Variants in ZNF726 observed in about 807,000 individuals in gnomAD.
ZNF726 encodes the protein zinc finger protein 92 pseudogene 3.
Under a neutral mutation model 11.6 loss-of-function variants are expected in ZNF726, and 15 were observed. The ratio of observed to expected loss-of-function variants is 1.29; its 90% CI spans 0.86 to 1.99. The LOEUF (loss-of-function observed/expected upper bound fraction) is 1.99, where lower values mean the gene tolerates loss of function less well. ZNF726 is among the 30% of genes most tolerant of loss of function. The pLI is 0.00. For synonymous variants in ZNF726, 295 were observed against 243.6 expected, an observed-to-expected ratio of 1.21 and a Z score of -1.96; for missense variants, 890 against 725.6, an observed-to-expected ratio of 1.23 and a Z score of -2.60.
chr19:23,937,426 G>A (rs866584136), downstream of ZNF726, among the ~76,000 whole-genome samples: 4 of 151,844 alleles, frequency 2.6e-5, no homozygotes, highest in Non-Finnish European at 5.9e-5. Context: ...TCACTTCTCA[G>A]ACGGGGCGGT....
intron 3 of ZNF726, 69 bp from the exon 4 acceptor site, chr19:23,932,274 A>G (rs1338013731): frequency 8.8e-7 from 1 of 1,134,356 alleles, no homozygotes; most frequent in Non-Finnish European, 1.1e-6. Flanking sequence ...ATAATTTTAT[A>G]GGTAAGATTT....
At chr19:23,919,951 G>T in intron 2 of ZNF726, 36 bp from the exon 3 acceptor site, 1 of 1,450,996 alleles carries the variant, frequency 6.9e-7, no homozygotes, top group South Asian at 1.2e-5. Flanking sequence ...TGGAGAATAT[G>T]AGCAAGATTC....
At chr19:23,942,208 G>C (rs868034241) in intron 3 of ZNF726, among the ~76,000 whole-genome samples, 3 of 152,084 alleles carry the variant, frequency 2.0e-5, no homozygotes, top group Non-Finnish European at 4.4e-5. Flanking sequence ...TATTGGTTTT[G>C]TTTTTGACCC....
At chr19:23,927,911 A>G (rs1401122576) in intron 3 of ZNF726, 2 of 152,230 alleles carry the variant, frequency 1.3e-5, no homozygotes, top group Non-Finnish European at 2.9e-5. Context: ...TAGTTGGTCT[A>G]TAATATGGTT....
chr19:23,926,535 A>G (rs1361033530), intron 3 of ZNF726, among the ~76,000 whole-genome samples: 3 of 144,060 alleles, frequency 2.1e-5, no homozygotes, highest in Non-Finnish European at 4.5e-5. Flanking sequence ...CCTGGGCTGC[A>G]CTCCAGCCTG....
intron 3 of ZNF726, 61 bp from the exon 4 acceptor site, chr19:23,932,281 AT>A: frequency 8.4e-7 from 1 of 1,189,124 alleles, no homozygotes; most frequent in Non-Finnish European, 1.1e-6. Flanking sequence ...TATAGGTAAG[AT>A]TTTTAAACTA....
chr19:23,942,594 C>T lies in ZNF726; in HGVS notation c.227-900C>T, dbSNP rs117295087. On this transcript the variant is annotated intron_variant, in intron 3 of 4. Coordinates refer to the ZNF726 transcript ENST00000334589. The stretch of plus-strand genomic sequence containing the variant: ...TCCCTCTTATGGTATTGATGTCTAT[C>T]TCATTTCTTAGGTCTATTAATAATT... 4.8e-3 allele frequency among the ~76,000 whole-genome samples: 725 copies of T among 152,162 alleles called. 3 individuals are homozygous for T. The highest frequency in any genetic ancestry group is 8.3e-3 in the Non-Finnish European group (564 of 68,008).
chr19:23,939,862 A>ATCTTTTTTTTT (rs1968308780), intron 3 of ZNF726, among the ~76,000 whole-genome samples: 1 of 87,154 alleles, frequency 1.1e-5, no homozygotes, highest in Non-Finnish European at 2.2e-5. Context: ...TTTTGATGGG[A>ATCTTTTTTTTT]TTTTTTTTTT....
chr19:23,933,366 T>C lies in ZNF726; in HGVS notation c.1250T>C (p.Ile417Thr). ...TCCTCAAATCTTACTAAACATAAGA[T>C]AATTCATACTGGAGAGAAACCTTAC... ...HRSSNLTKHK[I>T]IHTGEKPYKC... The change falls in exon 4 of 4, where the codon ATA (isoleucine) becomes ACA (threonine). Residue 417 changes from isoleucine (I) to threonine (T), a missense_variant. Physicochemically the swap from Ile to Thr is moderately conservative, Grantham distance 89 (BLOSUM62 -1). Coordinates refer to ENST00000594466, the MANE Select transcript of ZNF726 (RefSeq NM_001244038.2). 6.2e-7 allele frequency: 1 copy of C among 1,612,320 alleles called. No individual in the cohort carries two copies. The highest frequency in any genetic ancestry group is 8.5e-7 in the Non-Finnish European group (1 of 1,179,666).
intron 3 of ZNF726, 53 bp from the exon 4 acceptor site, chr19:23,932,290 C>G: frequency 3.3e-6 from 4 of 1,207,244 alleles, no homozygotes; most frequent in Non-Finnish European, 4.2e-6. Flanking sequence ...GATTTTTAAA[C>G]TATATTTATG....
intron 3 of ZNF726, among the ~76,000 whole-genome samples, chr19:23,926,142 G>A (rs1255472920): frequency 6.6e-6 from 1 of 152,158 alleles, no homozygotes; most frequent in South Asian, 2.1e-4. Flanking sequence ...CAGAAATGTT[G>A]AAGTGTAGTG....
chr19:23,942,252 A>T (rs758267542), intron 3 of ZNF726, among the ~76,000 whole-genome samples: 1 of 152,122 alleles, frequency 6.6e-6, no homozygotes, highest in African/African-American at 2.4e-5. Flanking sequence ...TTTAATTTCC[A>T]TGTATTTGCA....
At chr19:23,915,728 C>T (rs1199044894) in intron 1 of ZNF726, among the ~76,000 whole-genome samples, 1 of 151,980 alleles carries the variant, frequency 6.6e-6, no homozygotes, top group Non-Finnish European at 1.5e-5. Flanking sequence ...CTACAGGCGC[C>T]TGCCACCACA....
rs1211656525 is a variant in ZNF726 at position 23,933,204 on chromosome 19, A to G, written c.1088A>G (p.His363Arg). ...CACCTTACTACACATAGGATAATTC[A>G]TACTGGAGAGAAACCCTACAAATGT... The part of the protein sequence containing the change: ...FGHLTTHRII[H>R]TGEKPYKCEE... Residue 363 changes from histidine (H) to arginine (R), a missense_variant, in exon 4 of 4, where the codon CAT (histidine) becomes CGT (arginine). By Grantham distance (29) the His-to-Arg change is conservative (BLOSUM62 0). Coordinates refer to ENST00000594466, the MANE Select transcript of ZNF726 (RefSeq NM_001244038.2). 1 of 1,602,102 alleles carries G rather than the reference A, an allele frequency of 6.2e-7. No homozygotes were observed. Among genetic ancestry groups the G allele is most frequent in the Middle Eastern group, 1.7e-4 (1 of 6,030 alleles).
chr19:23,938,617 T>TTC, downstream of ZNF726, among the ~76,000 whole-genome samples: 1 of 149,894 alleles, frequency 6.7e-6, no homozygotes, highest in East Asian at 1.9e-4. Context: ...TTTCCTTTTT[T>TTC]TTTTTTTTGA....
At position 23,933,327 on chromosome 19, in the gene ZNF726, A is replaced by G; in HGVS notation, c.1211A>G (p.Lys404Arg). Residue 404 changes from lysine (K) to arginine (R), a missense_variant, in exon 4 of 4, where the codon AAA becomes AGA. Transcript: ENST00000594466. ...CCCTACAAATGTGAAGAATGTGGCA[A>G]AGCTTTTCATCGATCCTCAAATCTT... Reference protein sequence around the residue: ...EKPYKCEECGKAFHRSSNLTK... With the variant: ...EKPYKCEECGRAFHRSSNLTK... 6.2e-7 allele frequency: 1 copy of G among 1,613,538 alleles called. No homozygotes were observed. Among genetic ancestry groups the G allele is most frequent in the Non-Finnish European group, 8.5e-7 (1 of 1,179,988 alleles).
intron 1 of ZNF726, 37 bp downstream of exon 1, chr19:23,915,034 C>G (rs1482887447): frequency 6.2e-7 from 1 of 1,613,540 alleles, no homozygotes; most frequent in Non-Finnish European, 8.5e-7. Flanking sequence ...AGAGAGGGAA[C>G]GGGGCTGGCT....
chr19:23,922,228 T>C (rs997688848), intron 3 of ZNF726, among the ~76,000 whole-genome samples: 2 of 152,244 alleles, frequency 1.3e-5, no homozygotes, highest in Non-Finnish European at 2.9e-5. Flanking sequence ...AGGGCAGGTT[T>C]CTGCAGTCAG....
chr19:23,942,861 C>T (rs1968360428), intron 3 of ZNF726, among the ~76,000 whole-genome samples: 1 of 152,158 alleles, frequency 6.6e-6, no homozygotes, highest in Non-Finnish European at 1.5e-5. Context: ...AAGTGAGTCT[C>T]CTGAAGACAG....
Sources: gnomAD v4.1 joint callset for allele counts (sites outside exome capture counted in the v4.1 genomes callset) on GRCh38, gnomAD v4.1.1 for gene constraint, MANE v1.5 for transcripts, NCBI Gene and HGNC (gene_info 2026-07-23, HGNC 2026-07-21) for gene names.